PCDHGA8: variants seen among roughly 807,000 people sequenced by gnomAD.
PCDHGA8 encodes protocadherin gamma-A8.
Under a neutral mutation model 59.2 loss-of-function variants are expected in PCDHGA8, and 45 were observed. The ratio of observed to expected loss-of-function variants is 0.76; its 90% CI spans 0.60 to 0.98. The LOEUF (loss-of-function observed/expected upper bound fraction) is 0.98, where lower values mean the gene tolerates loss of function less well. Among genes scored for constraint, PCDHGA8 ranks in the 50% least tolerant of loss-of-function variants. PCDHGA8 has a pLI of 0.00. For synonymous variants in PCDHGA8, 531 were observed against 519.0 expected (o/e 1.02, Z -0.32); for missense variants, 1,257 against 1,196.2 (o/e 1.05, Z -0.75).
chr5:141,492,487 C>T (rs1031047955), intron 1 of PCDHGA8, among the ~76,000 whole-genome samples: 1 of 152,222 alleles, frequency 6.6e-6, no homozygotes, highest in Non-Finnish European at 1.5e-5. Context: ...CGCCCAGGAC[C>T]AGGCGAGGAC....
At position 141,395,179 on chromosome 5, in the gene PCDHGA8, A is replaced by C; in HGVS notation, c.2366A>C (p.Asp789Ala). The C allele has an allele frequency of 6.2e-7, 1 of 1,614,164 alleles. No homozygotes were observed. Among genetic ancestry groups the C allele is most frequent in the South Asian group, 1.1e-5 (1 of 91,076 alleles). The change falls in exon 1 of 4, where the codon GAT becomes GCT. Residue 789 changes from aspartate (D) to alanine (A), a missense_variant. By Grantham distance (126) the Asp-to-Ala change is moderately radical (BLOSUM62 -2). Transcript: ENST00000398604. Reference sequence around the variant, plus strand: ...AGTCAGGAGGGCTGTGAGAAAAATGATTCTTTGTTAACATCCGTAGATTTT... The same window carrying C: ...AGTCAGGAGGGCTGTGAGAAAAATGCTTCTTTGTTAACATCCGTAGATTTT... Reference protein sequence around the residue: ...LISQEGCEKNDSLLTSVDFHE... With the variant: ...LISQEGCEKNASLLTSVDFHE...
At chr5:141,423,577 G>T (rs1348410879) in intron 1 of PCDHGA8, 1 of 1,613,478 alleles carries the variant, frequency 6.2e-7, no homozygotes, top group Admixed American at 1.7e-5. Flanking sequence ...CATCAGCCAG[G>T]AGAGCTGTGA....
Position 141,511,229 on chromosome 5 carries a change from T to G in PCDHGA8, c.*56T>G. 6.3e-7 allele frequency: 1 copy of G among 1,598,500 alleles called. No homozygotes were observed. Among genetic ancestry groups the G allele is most frequent in the Non-Finnish European group, 8.5e-7 (1 of 1,172,476 alleles). On this transcript the variant is annotated 3_prime_UTR_variant, in exon 4 of 4. Transcript: ENST00000398604. ...GCCTCTCCCCAACCAGCCCAGCTTC[T>G]CCTTACCTGCACCCAGGCCTCAGAG...
intron 1 of PCDHGA8, chr5:141,409,819 G>A (rs781534809): frequency 1.2e-6 from 2 of 1,610,356 alleles, no homozygotes; most frequent in African/African-American, 2.7e-5. Context: ...ACCACGGCTC[G>A]CCCACGCTCA....
intron 1 of PCDHGA8, among the ~76,000 whole-genome samples, chr5:141,446,882 G>A (rs1419213225): frequency 1.3e-5 from 2 of 152,086 alleles, no homozygotes; most frequent in African/African-American, 4.8e-5. Flanking sequence ...TATGTTTTGG[G>A]GTTCATGGCT....
chr5:141,408,777 C>T (rs1019825842), intron 1 of PCDHGA8: 22 of 1,611,714 alleles, frequency 1.4e-5, no homozygotes, highest in Non-Finnish European at 1.8e-5. Context: ...GGCAAATACC[C>T]AGAGTTATCT....
intron 1 of PCDHGA8, among the ~76,000 whole-genome samples, chr5:141,455,419 G>A (rs1462099602): frequency 6.6e-6 from 1 of 152,124 alleles, no homozygotes; most frequent in Non-Finnish European, 1.5e-5. Context: ...AGGGAGCGGG[G>A]CTCCAAAAGA....
rs1246027327 is a variant in PCDHGA8, at chr5:141,491,976, C to A, written c.2425-2831C>A. On this transcript the variant is annotated intron_variant, in intron 1 of 3. Transcript: ENST00000398604. This position sits in a 1 kb window ranked among gnomAD's most constrained non-coding sequence, Gnocchi z 6.9. ...ACTCAAAAAAGGCCGGGGCCTCCTT[C>A]GAGCTTCCGGTGAATTTCGGGCGAT... 3 of 800,708 alleles carry A rather than the reference C, an allele frequency of 3.7e-6. No individual in the cohort carries two copies. The Admixed American group carries it at 1.1e-4, about 30-fold the overall frequency. 49.6% of individuals were successfully genotyped at this position (800,708 alleles called of 1,614,324 possible).
At chr5:141,414,452 T>G in intron 1 of PCDHGA8, 1 of 1,613,886 alleles carries the variant, frequency 6.2e-7, no homozygotes, top group Non-Finnish European at 8.5e-7. Context: ...AATATCACAG[T>G]GACAGCCACA....
chr5:141,498,807 C>G (rs113587634), intron 2 of PCDHGA8, among the ~76,000 whole-genome samples: 1 of 152,030 alleles, frequency 6.6e-6, no homozygotes, highest in Non-Finnish European at 1.5e-5. Flanking sequence ...GTGGTGCACA[C>G]CTGTAGTCCC....
At chr5:141,484,876 A>C in intron 1 of PCDHGA8, 1 of 315,240 alleles carries the variant, frequency 3.2e-6, no homozygotes, top group Non-Finnish European at 5.8e-6. Flanking sequence ...CGTGGAGGAT[A>C]GGGTGGGCTT....
Position 141,421,812 on chromosome 5 carries a change from A to G in PCDHGA8, c.2424+26575A>G, listed in dbSNP as rs779804436. On this transcript the variant is annotated intron_variant, in intron 1 of 3. Transcript: ENST00000398604. ...CGGATGGGGCCAAGAATCCAGAGCTAGTACTGGAGGGAAGCCTGGACCGAG... is the reference window on the plus strand; with the variant it reads ...CGGATGGGGCCAAGAATCCAGAGCTGGTACTGGAGGGAAGCCTGGACCGAG... 9.9e-6 allele frequency: 16 copies of G among 1,613,704 alleles called. 1 individual carries two copies. In the South Asian group the frequency reaches 1.5e-4, roughly 16 times the overall value.
At chr5:141,401,561 T>A (rs1436115390) in intron 1 of PCDHGA8, among the ~76,000 whole-genome samples, 1 of 152,230 alleles carries the variant, frequency 6.6e-6, no homozygotes, top group Non-Finnish European at 1.5e-5. Flanking sequence ...ATTGCCTGAA[T>A]TTCTCTTGCT....
chr5:141,490,882 A>G lies in PCDHGA8; in HGVS notation c.2425-3925A>G, dbSNP rs758716907. ...CGGCTCTCCCCCATTGCATGCCAAC[A>G]CATCTCTGCATGTGTTTGTCCTAGA... On this transcript the variant is annotated intron_variant, in intron 1 of 3. Coordinates refer to ENST00000398604, the MANE Select transcript of PCDHGA8 (RefSeq NM_032088.2). This position sits in a 1 kb window ranked among gnomAD's most constrained non-coding sequence, Gnocchi z 5.4. 6.2e-7 allele frequency: 1 copy of G among 1,613,848 alleles called. No individual in the cohort carries two copies. Among genetic ancestry groups the G allele is most frequent in the Non-Finnish European group, 8.5e-7 (1 of 1,179,920 alleles).
In PCDHGA8 at chr5:141,394,696, C is replaced by G. The variant is rs1006890229; in HGVS notation, c.1883C>G (p.Thr628Arg). ...SVGLHTGEVR[T>R]ARALLDRDAL... ...GGTCTGCACACGGGCGAGGTGCGCACGGCGCGAGCCCTGCTGGACAGAGAT... is the reference window on the plus strand; with the variant it reads ...GGTCTGCACACGGGCGAGGTGCGCAGGGCGCGAGCCCTGCTGGACAGAGAT... The change falls in exon 1 of 4, where the codon ACG (threonine) becomes AGG (arginine). Residue 628 changes from threonine (T) to arginine (R), a missense_variant. Physicochemically the swap from Thr to Arg is moderately conservative, Grantham distance 71. Coordinates refer to ENST00000398604, the MANE Select transcript of PCDHGA8 (RefSeq NM_032088.2). The G allele has an allele frequency of 6.2e-7, 1 of 1,612,928 alleles. No homozygotes were observed. Among genetic ancestry groups the G allele is most frequent in the African/African-American group, 1.3e-5 (1 of 74,922 alleles).
chr5:141,404,463 A>G lies in PCDHGA8; in HGVS notation c.2424+9226A>G, dbSNP rs969137248. 10 of 1,612,548 alleles carry G rather than the reference A, an allele frequency of 6.2e-6. No homozygotes were observed. In the South Asian group the frequency reaches 9.9e-5, roughly 16 times the overall value. ...ATCCAAGGGTCTCCTCTCTCCACCTATGTCTCTATTAACTCAGACACTGGT... is the reference window on the plus strand; with the variant it reads ...ATCCAAGGGTCTCCTCTCTCCACCTGTGTCTCTATTAACTCAGACACTGGT... On this transcript the variant is annotated intron_variant, in intron 1 of 3. Transcript: ENST00000398604.
In PCDHGA8 at chr5:141,439,058, TGGCA is replaced by T. The variant is rs1241503235; in HGVS notation, c.2424+43825_2424+43828del. On this transcript the variant is annotated intron_variant, in intron 1 of 3. Transcript: ENST00000398604. ...CAGTTCATAAGATTTCCATATTGTG[TGGCA>T]GGCGCCTGTAATCCCAGCTACTCAG... 2.0e-5 allele frequency among the ~76,000 whole-genome samples: 3 copies of T among 151,580 alleles called. No individual in the cohort carries two copies. The East Asian group carries it at 5.9e-4, about 30-fold the overall frequency.
At chr5:141,478,812 A>G (rs952753762) in intron 1 of PCDHGA8, 16 of 1,453,436 alleles carry the variant, frequency 1.1e-5, no homozygotes, top group Non-Finnish European at 1.4e-5. Flanking sequence ...TTGCTATCAC[A>G]ACTAACCAAT....
At chr5:141,492,241 C>T (rs1351937353) in intron 1 of PCDHGA8, among the ~76,000 whole-genome samples, 1 of 152,186 alleles carries the variant, frequency 6.6e-6, no homozygotes, top group African/African-American at 2.4e-5. Flanking sequence ...TGCTGGCCAC[C>T]CCCACGGCCC....
Sources: gnomAD v4.1 joint callset for allele counts (sites outside exome capture counted in the v4.1 genomes callset) on GRCh38, gnomAD v4.1.1 for gene constraint, Gnocchi (gnomAD v3.1) non-coding constraint, MANE v1.5 for transcripts, NCBI Gene and HGNC (gene_info 2026-07-23, HGNC 2026-07-21) for gene names.